MFAP1: variants seen among roughly 807,000 people sequenced by gnomAD.
The protein encoded by MFAP1 is microfibrillar-associated protein 1.
A neutral mutation model predicts 62.2 loss-of-function variants in MFAP1; 18 were observed. The ratio of observed to expected loss-of-function variants is 0.29; its 90% CI spans 0.20 to 0.43. The LOEUF (loss-of-function observed/expected upper bound fraction) is 0.43, where lower values mean the gene tolerates loss of function less well. Ranked by LOEUF, MFAP1 falls within the 20% of genes least tolerant of loss-of-function variation. The pLI is 1.00. For synonymous variants in MFAP1, 175 were observed against 180.4 expected, an observed-to-expected ratio of 0.97 and a Z score of 0.24; for missense variants, 355 against 559.7, an observed-to-expected ratio of 0.63 and a Z score of 3.69.
chr15:43,812,918 T>C, intron 6 of MFAP1, 69 bp downstream of exon 6: 1 of 1,555,968 alleles, frequency 6.4e-7, no homozygotes, highest in South Asian at 1.2e-5. Flanking sequence ...AGGTAATGAG[T>C]CTCAGAGCTA....
rs966567879 is a variant in MFAP1 at position 43,809,939 on chromosome 15, T to C, written c.888-25A>G. On this transcript the variant is annotated intron_variant, in intron 6 of 8. Transcript: ENST00000267812. Reference sequence around the variant, plus strand: ...CCTGTCCAGGGAGCAAAACAATTTATTGGTACTGTTACAGCTTCAGAAAGA... The same window carrying C: ...CCTGTCCAGGGAGCAAAACAATTTACTGGTACTGTTACAGCTTCAGAAAGA... 3 of 1,613,710 alleles carry C rather than the reference T, an allele frequency of 1.9e-6. No individual in the cohort carries two copies. In the Admixed American group the frequency reaches 5.0e-5, roughly 27 times the overall value.
chr15:43,805,346 T>C lies in MFAP1; in HGVS notation c.1137+30A>G, dbSNP rs760122627. The C allele has an allele frequency of 3.7e-6, 6 of 1,604,876 alleles. No homozygotes were observed. The East Asian group carries it at 1.1e-4, about 30-fold the overall frequency. ...GCCTCAGCTATCAATACATCACTTT[T>C]CTCTGTCATGTTATTAAGGTTCCCC... On this transcript the variant is annotated intron_variant, in intron 8 of 8. Transcript: ENST00000267812.
intron 7 of MFAP1, among the ~76,000 whole-genome samples, chr15:43,806,264 T>C (rs942771403): frequency 2.6e-5 from 4 of 152,212 alleles, no homozygotes; most frequent in Admixed American, 6.5e-5. Context: ...ATATCATAAG[T>C]TGGATATTTT....
intron 1 of MFAP1, among the ~76,000 whole-genome samples, chr15:43,823,754 C>G (rs993642119): frequency 6.6e-6 from 1 of 152,122 alleles, no homozygotes; most frequent in Non-Finnish European, 1.5e-5. Context: ...TTATTTTATA[C>G]AATGGAATTC....
chr15:43,824,191 A>G (rs985287270), intron 1 of MFAP1, among the ~76,000 whole-genome samples: 2 of 151,208 alleles, frequency 1.3e-5, no homozygotes, highest in African/African-American at 4.8e-5. Context: ...TATTAGACAT[A>G]TATATTCTGA....
intron 6 of MFAP1, chr15:43,810,176 T>G (rs1263199039): frequency 2.9e-6 from 1 of 346,130 alleles, no homozygotes; most frequent in Non-Finnish European, 5.2e-6. Flanking sequence ...TGCTGGGTTT[T>G]CCAACATTAC....
chr15:43,817,072 A>C (rs1286149603), intron 2 of MFAP1, among the ~76,000 whole-genome samples, 157 bp downstream of exon 2: 2 of 152,140 alleles, frequency 1.3e-5, no homozygotes. Flanking sequence ...TCCTTTTGTG[A>C]AATGGGGATA....
intron 1 of MFAP1, among the ~76,000 whole-genome samples, chr15:43,821,998 C>A (rs1434918105): frequency 1.3e-5 from 2 of 151,888 alleles, no homozygotes; most frequent in Non-Finnish European, 2.9e-5. Flanking sequence ...GAAACGTATA[C>A]TATAGATTTG....
intron 1 of MFAP1, among the ~76,000 whole-genome samples, chr15:43,820,683 G>A (rs1048362606): frequency 1.5e-4 from 23 of 152,114 alleles, no homozygotes; most frequent in African/African-American, 5.1e-4. Flanking sequence ...ATGGCTCACC[G>A]CAGCGTCAGC....
chr15:43,814,353 C>T (rs2087421508), intron 4 of MFAP1, 148 bp downstream of exon 4: 2 of 783,102 alleles, frequency 2.6e-6, no homozygotes, highest in Non-Finnish European at 4.0e-6. Context: ...TATTCCTCAG[C>T]AGCTAGTCTG....
rs113102361 is a variant in MFAP1, at chr15:43,820,907, C to T, written c.80-3459G>A. 5.0e-3 allele frequency among the ~76,000 whole-genome samples: 763 copies of T among 152,242 alleles called. 8 individuals carry two copies. Among genetic ancestry groups the T allele is most frequent in the African/African-American group, 0.018 (729 of 41,548 alleles). On this transcript the variant is annotated intron_variant, in intron 1 of 8. Transcript: ENST00000267812. The stretch of plus-strand genomic sequence containing the variant: ...TACAGGCGTGAGCCACCATGCCTGG[C>T]TTATTTTCTACTGTTTGAGAAAGGG...
chr15:43,814,452 T>A lies in MFAP1; in HGVS notation c.617+49A>T, dbSNP rs373381718. ...GAAAACAGACTTTTGTCTCCAGGCC[T>A]GGAAAGTGGTAATTAAGTGGATTCA... On this transcript the variant is annotated intron_variant, in intron 4 of 8. Coordinates refer to ENST00000267812, the MANE Select transcript of MFAP1 (RefSeq NM_005926.3). The A allele has an allele frequency of 2.6e-6, 4 of 1,542,006 alleles. No homozygotes were observed. In the African/African-American group the frequency reaches 4.2e-5, roughly 16 times the overall value.
At chr15:43,819,595 A>G (rs567187329) in intron 1 of MFAP1, among the ~76,000 whole-genome samples, 3 of 152,124 alleles carry the variant, frequency 2.0e-5, no homozygotes, top group African/African-American at 7.2e-5. Flanking sequence ...CAGTGGCATG[A>G]TCTCCGCTCA....
intron 4 of MFAP1, 25 bp downstream of exon 4, chr15:43,814,476 C>A: frequency 6.4e-7 from 1 of 1,573,482 alleles, no homozygotes. Context: ...TAAGTGGATT[C>A]AGATCTGGCT....
chr15:43,812,958 A>G, intron 6 of MFAP1, 29 bp downstream of exon 6: 1 of 1,611,636 alleles, frequency 6.2e-7, no homozygotes. Context: ...CATTAGCAGC[A>G]TTAACTCTAG....
rs1450492440 is a variant in MFAP1 at position 43,824,638 on chromosome 15, G to A, written c.-69C>T. The stretch of plus-strand genomic sequence containing the variant: ...AACAGTGAACACCAGCAACGTCAAC[G>A]AAGAGAAGAAATTCCTTCCACCTGA... On this transcript the variant is annotated 5_prime_UTR_variant, in exon 1 of 9. Transcript: ENST00000267812. The A allele has an allele frequency of 7.2e-6, 11 of 1,527,110 alleles. No individual in the cohort carries two copies. The highest frequency in any genetic ancestry group is 1.0e-5 in the Non-Finnish European group (11 of 1,102,906). The allele number at this position is 1,527,110 out of a possible 1,614,324, so 94.6% of individuals were successfully genotyped here.
Position 43,809,826 on chromosome 15 carries a change from T to C in MFAP1, c.976A>G (p.Ile326Val). 3.1e-6 allele frequency: 5 copies of C among 1,614,224 alleles called. No individual in the cohort carries two copies. The highest frequency in any genetic ancestry group is 4.2e-6 in the Non-Finnish European group (5 of 1,180,028). Residue 326 changes from isoleucine (I) to valine (V), a missense_variant, in exon 7 of 9, where the codon ATT (isoleucine) becomes GTT (valine). Coordinates refer to ENST00000267812, the MANE Select transcript of MFAP1 (RefSeq NM_005926.3). ...TTGCCCTTAACAGCTTTGTTGGTAA[T>C]GACTTTGCCGTTTGCCCGAAGTTCA... Reference protein sequence around the residue: ...RAELRANGKVITNKAVKGKYK... With the variant: ...RAELRANGKVVTNKAVKGKYK...
At position 43,805,310 on chromosome 15, in the gene MFAP1, A is replaced by G. The variant is rs747892853; in HGVS notation, c.1138-34T>C. The G allele has an allele frequency of 8.1e-6, 13 of 1,600,178 alleles. No homozygotes were observed. In the South Asian group the frequency reaches 1.5e-4, roughly 18 times the overall value. ...AGGATGGATGATGAGTTATACCACC[A>G]AACAAACCATGCCTCAGCTATCAAT... is the stretch of plus-strand genomic sequence containing the variant. On this transcript the variant is annotated intron_variant, in intron 8 of 8. Coordinates refer to ENST00000267812, the MANE Select transcript of MFAP1 (RefSeq NM_005926.3).
intron 1 of MFAP1, 128 bp from the exon 2 acceptor site, chr15:43,817,576 A>G: frequency 1.1e-6 from 1 of 881,130 alleles, no homozygotes; most frequent in South Asian, 1.8e-5. Context: ...GAAGAGAGCC[A>G]CTACCCAACC....
Sources: allele counts gnomAD v4.1 joint callset (sites outside exome capture counted in the v4.1 genomes callset), GRCh38; gene constraint gnomAD v4.1.1; transcripts MANE v1.5; gene names NCBI Gene and HGNC (gene_info 2026-07-23, HGNC 2026-07-21).